KIAA1217: variants seen among roughly 807,000 people sequenced by gnomAD.
KIAA1217 encodes the protein sickle tail protein homolog.
In KIAA1217, 88 loss-of-function variants were observed where a neutral mutation model predicts 163.9. The ratio of observed to expected loss-of-function variants is 0.54; its 90% confidence interval spans 0.45 to 0.64. The LOEUF is 0.64. Among genes scored for constraint, KIAA1217 ranks in the 30% least tolerant of loss-of-function variants. The probability of loss-of-function intolerance (pLI) is 0.00; values close to 1 mark genes in which losing one functional copy is unlikely to be tolerated. For missense variants in KIAA1217, 2,372 were observed against 2,475.0 expected (o/e 0.96, Z 0.88); for synonymous variants, 903 against 923.1 (o/e 0.98, Z 0.39).
At chr10:24,331,556 A>G (rs1271070945) in intron 2 of KIAA1217, among the ~76,000 whole-genome samples, 1 of 152,232 alleles carries the variant, frequency 6.6e-6, no homozygotes, top group East Asian at 1.9e-4. Flanking sequence ...GGTAGGAGAA[A>G]ACCCATCAGG....
chr10:23,825,859 C>G (rs1273469203), intron 1 of KIAA1217, among the ~76,000 whole-genome samples: 1 of 152,172 alleles, frequency 6.6e-6, no homozygotes, highest in Admixed American at 6.5e-5. Flanking sequence ...GTCACTCATT[C>G]TTTCTGACAC....
chr10:24,024,059 T>C (rs551088330), intron 2 of KIAA1217, among the ~76,000 whole-genome samples: 3 of 151,744 alleles, frequency 2.0e-5, no homozygotes, highest in African/African-American at 7.2e-5. Flanking sequence ...TGTATACATG[T>C]GTAAAAATCA....
At chr10:24,339,687 G>A (rs996660009) in intron 2 of KIAA1217, among the ~76,000 whole-genome samples, 8 of 152,344 alleles carry the variant, frequency 5.3e-5, no homozygotes, top group East Asian at 1.9e-4. Flanking sequence ...GGGCTGCAGA[G>A]GTTGGTTAAC....
intron 1 of KIAA1217, among the ~76,000 whole-genome samples, chr10:23,812,678 A>C (rs7087497): frequency 0.29 from 44,008 of 151,922 alleles, 7,222 homozygotes; most frequent in African/African-American, 0.45. Context: ...TGGCTGTGAC[A>C]CCCAACACTG....
intron 1 of KIAA1217, among the ~76,000 whole-genome samples, chr10:23,839,188 G>A (rs1301175877): frequency 6.6e-6 from 1 of 151,752 alleles, no homozygotes; most frequent in African/African-American, 2.4e-5. Flanking sequence ...CTCTTCCTGT[G>A]TCTCAGACAG....
intron 2 of KIAA1217, among the ~76,000 whole-genome samples, chr10:24,110,804 A>G (rs2062816601): frequency 6.6e-6 from 1 of 152,236 alleles, no homozygotes. Flanking sequence ...TTTAAGTTAT[A>G]TGGAGAAAAA....
At chr10:24,374,835 G>A (rs1054803560) in intron 2 of KIAA1217, among the ~76,000 whole-genome samples, 4 of 152,252 alleles carry the variant, frequency 2.6e-5, no homozygotes, top group Middle Eastern at 3.4e-3. Context: ...CTCCCAGGCT[G>A]ATGTGCAGTG....
At chr10:24,125,924 C>T (rs1271134499) in intron 2 of KIAA1217, among the ~76,000 whole-genome samples, 1 of 152,144 alleles carries the variant, frequency 6.6e-6, no homozygotes, top group Non-Finnish European at 1.5e-5. Flanking sequence ...CTACTTGTTA[C>T]CGCTTGGTAG....
At chr10:24,213,696 G>C (rs182641092) in intron 1 of KIAA1217, among the ~76,000 whole-genome samples, 9 of 152,262 alleles carry the variant, frequency 5.9e-5, no homozygotes, top group Middle Eastern at 3.4e-3. Context: ...ATGAATGAAT[G>C]AATGAATCAA....
At chr10:24,313,447 G>A (rs1020953240) in intron 2 of KIAA1217, among the ~76,000 whole-genome samples, 1 of 152,278 alleles carries the variant, frequency 6.6e-6, no homozygotes, top group Non-Finnish European at 1.5e-5. Context: ...AGCAGAGCAC[G>A]GGACCCATCA....
intron 1 of KIAA1217, among the ~76,000 whole-genome samples, chr10:23,942,466 T>G (rs1365021292): frequency 2.0e-5 from 3 of 152,214 alleles, no homozygotes; most frequent in Non-Finnish European, 2.9e-5. Flanking sequence ...TCTATTAATT[T>G]GATTTCAGAT....
chr10:24,093,275 A>G (rs562468878), intron 2 of KIAA1217, among the ~76,000 whole-genome samples: 5 of 151,654 alleles, frequency 3.3e-5, no homozygotes, highest in African/African-American at 7.3e-5. Context: ...GGTTCCAGTT[A>G]TTCTCCTGCC....
intron 2 of KIAA1217, among the ~76,000 whole-genome samples, chr10:24,065,764 T>C (rs758919468): frequency 6.6e-5 from 10 of 152,166 alleles, no homozygotes; most frequent in South Asian, 2.1e-4. Flanking sequence ...CCATTATTAT[T>C]GTGTGGGAGT....
At chr10:23,755,875 C>T (rs2130845093) in intron 1 of KIAA1217, among the ~76,000 whole-genome samples, 1 of 152,194 alleles carries the variant, frequency 6.6e-6, no homozygotes, top group South Asian at 2.1e-4. Flanking sequence ...TAATCTTCCA[C>T]ATATATTTAT....
chr10:24,261,689 C>T (rs1300560944), intron 2 of KIAA1217, among the ~76,000 whole-genome samples: 3 of 151,784 alleles, frequency 2.0e-5, no homozygotes, highest in East Asian at 3.9e-4. Context: ...ATCCTCTTGT[C>T]GGGGAAAAAA....
intron 1 of KIAA1217, among the ~76,000 whole-genome samples, chr10:23,861,864 C>G (rs1193030256): frequency 1.3e-5 from 2 of 152,168 alleles, no homozygotes; most frequent in African/African-American, 2.4e-5. Flanking sequence ...TTGTGAGCCT[C>G]AGAGCAGAGA....
intron 3 of KIAA1217, among the ~76,000 whole-genome samples, chr10:24,412,443 C>G (rs2057870113): frequency 6.6e-6 from 1 of 152,130 alleles, no homozygotes; most frequent in Non-Finnish European, 1.5e-5. Context: ...TCTCTTGGAC[C>G]CATCCATTGA....
At chr10:24,158,657 C>T in intron 2 of KIAA1217, 3 of 512,014 alleles carry the variant, frequency 5.9e-6, no homozygotes, top group Non-Finnish European at 1.2e-5. Context: ...CTAGCACAAC[C>T]TGAAAGTACT....
chr10:24,283,921 T>C (rs2078256518), intron 2 of KIAA1217, among the ~76,000 whole-genome samples: 1 of 150,880 alleles, frequency 6.6e-6, no homozygotes, highest in African/African-American at 2.4e-5. Context: ...TTTTTTTTTA[T>C]GTTTTTGAGA....
Sources: gnomAD v4.1 joint callset for allele counts (sites outside exome capture counted in the v4.1 genomes callset) on GRCh38, gnomAD v4.1.1 for gene constraint, MANE v1.5 for transcripts, NCBI Gene and HGNC (gene_info 2026-07-23, HGNC 2026-07-21) for gene names.